Variants in SHISA9 observed in about 807,000 individuals in gnomAD.
SHISA9 encodes protein shisa-9.
Under a neutral mutation model 38.0 loss-of-function variants are expected in SHISA9, and 13 were observed. The ratio of observed to expected loss-of-function variants is 0.34; its 90% CI spans 0.22 to 0.54. The LOEUF (loss-of-function observed/expected upper bound fraction) is 0.54. Ranked by LOEUF, SHISA9 falls within the 20% of genes least tolerant of loss-of-function variation. The pLI, the probability that SHISA9 is intolerant of heterozygous loss-of-function variation, is 0.91. For synonymous variants in SHISA9, 275 were observed against 242.0 expected (o/e 1.14, Z -1.27); for missense variants, 538 against 575.8 (o/e 0.93, Z 0.67).
the SHISA9 span, among the ~76,000 whole-genome samples, chr16:13,327,273 T>A: frequency 2.0e-5 from 3 of 152,092 alleles, no homozygotes; most frequent in Middle Eastern, 6.8e-3. Context: ...ATGAGTTGGG[T>A]CTTTTGGGGG....
chr16:13,479,825 G>A, the SHISA9 span, among the ~76,000 whole-genome samples: 1 of 152,136 alleles, frequency 6.6e-6, no homozygotes, highest in Non-Finnish European at 1.5e-5. Flanking sequence ...CCTTTGTCAG[G>A]GATTCCCATG....
At chr16:13,320,274 C>G in the SHISA9 span, among the ~76,000 whole-genome samples, 2 of 112,742 alleles carry the variant, frequency 1.8e-5, no homozygotes, top group African/African-American at 3.4e-5. Context: ...GCCTGGGTGA[C>G]AGAGCGAGAC....
chr16:13,081,509 A>G (rs538449990), intron 2 of SHISA9, among the ~76,000 whole-genome samples: 1 of 152,244 alleles, frequency 6.6e-6, no homozygotes, highest in South Asian at 2.1e-4. Flanking sequence ...CTGCAAGGGA[A>G]GTTAGACATT....
chr16:13,333,518 A>C, the SHISA9 span, among the ~76,000 whole-genome samples: 1 of 152,180 alleles, frequency 6.6e-6, no homozygotes, highest in African/African-American at 2.4e-5. Context: ...ATTTCATGGC[A>C]TCCAGGGTGA....
chr16:13,181,711 A>C (rs2050781024), intron 2 of SHISA9, among the ~76,000 whole-genome samples: 1 of 152,020 alleles, frequency 6.6e-6, no homozygotes, highest in Non-Finnish European at 1.5e-5. Flanking sequence ...GTATCTCAAT[A>C]GGAGGTCCAG....
chr16:13,172,916 T>C (rs975513978), intron 2 of SHISA9, among the ~76,000 whole-genome samples: 1 of 152,158 alleles, frequency 6.6e-6, no homozygotes, highest in African/African-American at 2.4e-5. Context: ...CATTTCATAA[T>C]ATCTTACTTC....
chr16:13,357,974 C>G, the SHISA9 span, among the ~76,000 whole-genome samples: 2 of 152,178 alleles, frequency 1.3e-5, no homozygotes, highest in African/African-American at 2.4e-5. Context: ...TTTTGTGATT[C>G]TTTAGTTACT....
chr16:13,327,680 A>C, the SHISA9 span, among the ~76,000 whole-genome samples: 1 of 151,752 alleles, frequency 6.6e-6, no homozygotes, highest in Non-Finnish European at 1.5e-5. Context: ...TTTTTGAGAC[A>C]GGGTCTTGCT....
At chr16:13,337,599 A>G in the SHISA9 span, among the ~76,000 whole-genome samples, 767 of 152,284 alleles carry the variant, frequency 5.0e-3, 1 homozygote, top group South Asian at 0.017. Context: ...TGGGATATTC[A>G]TGTGTAATAT....
At chr16:12,944,711 A>G (rs1006564462) in intron 2 of SHISA9, among the ~76,000 whole-genome samples, 10 of 152,194 alleles carry the variant, frequency 6.6e-5, no homozygotes, top group African/African-American at 2.4e-4. Flanking sequence ...TTCCTTATGC[A>G]GGAATAGTAC....
intron 2 of SHISA9, among the ~76,000 whole-genome samples, chr16:13,172,675 G>A (rs1345857300): frequency 6.7e-6 from 1 of 150,298 alleles, no homozygotes; most frequent in Non-Finnish European, 1.5e-5. Context: ...TTTCGCGTCT[G>A]TTTAGGCCCA....
At chr16:13,122,516 G>A (rs2050220892) in intron 2 of SHISA9, among the ~76,000 whole-genome samples, 1 of 152,152 alleles carries the variant, frequency 6.6e-6, no homozygotes, top group Non-Finnish European at 1.5e-5. Flanking sequence ...TCGAGAACAG[G>A]TTGCAAAAGA....
intron 2 of SHISA9, among the ~76,000 whole-genome samples, chr16:13,097,188 A>G (rs910315756): frequency 1.3e-5 from 2 of 152,156 alleles, no homozygotes; most frequent in Admixed American, 1.3e-4. Flanking sequence ...GTCCTTGGAG[A>G]CTACCTAGTT....
chr16:13,289,293 T>G, the SHISA9 span, among the ~76,000 whole-genome samples: 3 of 150,946 alleles, frequency 2.0e-5, no homozygotes, highest in African/African-American at 7.3e-5. Flanking sequence ...CCATTTAAAG[T>G]TTCTTAAGGG....
At chr16:13,112,244 T>C (rs1411793496) in intron 2 of SHISA9, among the ~76,000 whole-genome samples, 1 of 152,108 alleles carries the variant, frequency 6.6e-6, no homozygotes, top group African/African-American at 2.4e-5. Context: ...ATTTGGTGTT[T>C]TAGTTAATAA....
the SHISA9 span, among the ~76,000 whole-genome samples, chr16:13,469,429 AAGAAAGAG>A: frequency 4.4e-3 from 574 of 130,570 alleles, 13 homozygotes; most frequent in South Asian, 7.4e-3. Flanking sequence ...AAGAAAAAGA[AAGAAAGAG>A]AAAGAAAGAG....
At chr16:13,513,288 CA>C in the SHISA9 span, among the ~76,000 whole-genome samples, 1 of 152,030 alleles carries the variant, frequency 6.6e-6, no homozygotes, top group Non-Finnish European at 1.5e-5. Context: ...TAGAGAAATG[CA>C]AATCAAAACC....
intron 2 of SHISA9, among the ~76,000 whole-genome samples, chr16:12,937,153 CAGA>C (rs2141751980): frequency 6.6e-6 from 1 of 152,234 alleles, no homozygotes; most frequent in African/African-American, 2.4e-5. Context: ...TGGAATTTCC[CAGA>C]AGGATGACTT....
downstream of SHISA9, among the ~76,000 whole-genome samples, chr16:13,240,807 C>T (rs2051429530): frequency 6.6e-6 from 1 of 152,054 alleles, no homozygotes; most frequent in Non-Finnish European, 1.5e-5. Context: ...GATTCTTCCC[C>T]TATTTATTAA....
Sources: allele counts gnomAD v4.1 joint callset (sites outside exome capture counted in the v4.1 genomes callset), GRCh38; gene constraint gnomAD v4.1.1; transcripts MANE v1.5; gene names NCBI Gene and HGNC (gene_info 2026-07-23, HGNC 2026-07-21).